ATPAF2: variants seen among roughly 807,000 people sequenced by gnomAD.
ATPAF2 encodes the protein ATP synthase mitochondrial F1 complex assembly factor 2.
In ATPAF2, 30 loss-of-function variants were observed where a neutral mutation model predicts 36.6. That is an observed-to-expected ratio of 0.82 (90% CI 0.61 to 1.11). The LOEUF is 1.11. ATPAF2 is among the 50% of genes most tolerant of loss of function. The probability of loss-of-function intolerance (pLI) is 0.00; values close to 1 mark genes in which losing one functional copy is unlikely to be tolerated. For synonymous variants in ATPAF2, 140 were observed against 152.6 expected (o/e 0.92, Z 0.61); for missense variants, 321 against 372.3 (o/e 0.86, Z 1.13).
intron 2 of ATPAF2, 45 bp downstream of exon 2, chr17:18,028,570 C>CAAA (rs10652393): frequency 0.043 from 57,467 of 1,322,580 alleles, 367 homozygotes; most frequent in East Asian, 0.14. Context: ...CAACCATTCA[C>CAAA]AAAAAAAAAA....
intron 1 of ATPAF2, among the ~76,000 whole-genome samples, chr17:18,029,249 T>A (rs899541259): frequency 2.0e-5 from 3 of 152,264 alleles, no homozygotes; most frequent in Admixed American, 6.5e-5. Context: ...AAAATCTATG[T>A]CCTTTGTTTT....
chr17:18,031,240 G>A (rs1242360843), intron 1 of ATPAF2, among the ~76,000 whole-genome samples: 1 of 151,716 alleles, frequency 6.6e-6, no homozygotes, highest in African/African-American at 2.4e-5. Context: ...CTCCCAAAGT[G>A]CTGGGATTAC....
At chr17:18,018,776 T>C in intron 7 of ATPAF2, 90 bp from the exon 8 acceptor site, 2 of 1,592,446 alleles carry the variant, frequency 1.3e-6, no homozygotes, top group South Asian at 2.2e-5. Flanking sequence ...ATAGGTTGGC[T>C]GAGGGCAACA....
chr17:18,028,015 G>A, intron 3 of ATPAF2: 1 of 602,802 alleles, frequency 1.7e-6, no homozygotes, highest in East Asian at 2.9e-5. Flanking sequence ...GGAGAAACCA[G>A]CCATCCAGCA....
chr17:18,025,856 T>C (rs1025168609), intron 4 of ATPAF2, among the ~76,000 whole-genome samples: 1 of 152,210 alleles, frequency 6.6e-6, no homozygotes, highest in Non-Finnish European at 1.5e-5. Flanking sequence ...ATCATTTCCA[T>C]TGTTTCTCAA....
chr17:18,029,042 T>C (rs1202007586), intron 1 of ATPAF2, among the ~76,000 whole-genome samples: 5 of 152,152 alleles, frequency 3.3e-5, no homozygotes, highest in East Asian at 1.9e-4. Flanking sequence ...TAGAGACCCA[T>C]TTCAGGCAAG....
At chr17:18,026,650 C>T in intron 3 of ATPAF2, 1 of 587,162 alleles carries the variant, frequency 1.7e-6, no homozygotes. Context: ...CTTGCAGCAG[C>T]CCCAGGATTA....
chr17:18,028,730 C>T, intron 1 of ATPAF2, 71 bp from the exon 2 acceptor site: 1 of 1,369,452 alleles, frequency 7.3e-7, no homozygotes, highest in Non-Finnish European at 1.0e-6. Flanking sequence ...ACAGGACCAG[C>T]TTGTATCATT....
intron 7 of ATPAF2, among the ~76,000 whole-genome samples, chr17:18,020,316 C>CA (rs2044451107): frequency 6.6e-6 from 1 of 152,242 alleles, no homozygotes; most frequent in Non-Finnish European, 1.5e-5. Flanking sequence ...GCTCCTCTGC[C>CA]AGCCAGATAA....
At chr17:18,034,892 G>A (rs2145521716) in intron 1 of ATPAF2, among the ~76,000 whole-genome samples, 1 of 152,296 alleles carries the variant, frequency 6.6e-6, no homozygotes, top group African/African-American at 2.4e-5. Context: ...ATGGAATATT[G>A]TTTGGCAATA....
intron 1 of ATPAF2, among the ~76,000 whole-genome samples, chr17:18,028,877 G>A (rs537509583): frequency 2.1e-4 from 32 of 152,304 alleles, no homozygotes; most frequent in African/African-American, 7.0e-4. Context: ...GGGAGGAACA[G>A]AACATGCTGG....
Position 18,028,234 on chromosome 17 carries a change from G to C in ATPAF2, c.322C>G (p.Leu108Val), listed in dbSNP as rs1567576203. The C allele has an allele frequency of 6.2e-7, 1 of 1,614,212 alleles. No individual in the cohort carries two copies. ...QDTIKYYTMH[L>V]TTLCNTSLDN... ...GGTTCACACTGTGAACTTGTTACCA[G>C]GTGCATGGTGTAGTACTTGATGGTA... Residue 108 changes from leucine to valine, a missense_variant and splice_region_variant, in exon 3 of 8, where the codon CTG (leucine) becomes GTG (valine). By Grantham distance (32) the Leu-to-Val change is conservative (BLOSUM62 1). Coordinates refer to ENST00000474627, the MANE Select transcript of ATPAF2 (RefSeq NM_145691.4).
intron 4 of ATPAF2, 159 bp downstream of exon 4, chr17:18,026,160 C>G (rs1350032000): frequency 1.4e-6 from 1 of 732,652 alleles, no homozygotes; most frequent in Non-Finnish European, 2.5e-6. Context: ...AGTCCTCCTC[C>G]TAAGGGGCTA....
chr17:18,028,635 AC>A lies in ATPAF2; in HGVS notation c.157del (p.Val53SerfsTer12). ...CTCACCTTCACCCTGTGTGATGCTGACATTCTGATAAAACCTCTTCCTTTCT... is the reference window on the plus strand; with the variant it reads ...CTCACCTTCACCCTGTGTGATGCTGAATTCTGATAAAACCTCTTCCTTTCT... The part of the protein sequence containing the change: ...PTERKRFYQN[V>X]SITQGEGGFE... On this transcript the variant is annotated frameshift_variant, in exon 2 of 8. Transcript: ENST00000474627. LOFTEE classifies it high-confidence loss of function. 6.2e-7 allele frequency: 1 copy of A among 1,613,134 alleles called. No individual in the cohort carries two copies. The highest frequency in any genetic ancestry group is 8.5e-7 in the Non-Finnish European group (1 of 1,179,928).
At chr17:18,017,768 C>G (rs1311873332), downstream of ATPAF2, among the ~76,000 whole-genome samples, 2 of 152,222 alleles carry the variant, frequency 1.3e-5, no homozygotes, top group African/African-American at 4.8e-5. Flanking sequence ...CTGAGAACCA[C>G]TCTTCCCCCC....
intron 1 of ATPAF2, among the ~76,000 whole-genome samples, chr17:18,030,638 TG>T (rs1274514721): frequency 6.6e-6 from 1 of 150,842 alleles, no homozygotes; most frequent in Non-Finnish European, 1.5e-5. Flanking sequence ...AGTGGGCAAC[TG>T]GTTTTACTCC....
intron 1 of ATPAF2, among the ~76,000 whole-genome samples, chr17:18,030,972 C>CTTTT (rs1316913316): frequency 3.4e-5 from 3 of 88,448 alleles, no homozygotes; most frequent in Non-Finnish European, 6.5e-5. Flanking sequence ...CGCGCCTGGC[C>CTTTT]TTTTTTTTTT....
At position 18,024,718 on chromosome 17, in the gene ATPAF2, A is replaced by C; in HGVS notation, c.423-14T>G. 6.2e-7 allele frequency: 1 copy of C among 1,606,124 alleles called. No individual in the cohort carries two copies. Among genetic ancestry groups the C allele is most frequent in the Non-Finnish European group, 8.5e-7 (1 of 1,172,784 alleles). ...TCCACCCTGTAGCTAATTCATTGTA[A>C]AAATAACCTTCATTAATAAAAAAGT... On this transcript the variant is annotated splice_polypyrimidine_tract_variant and intron_variant, in intron 4 of 7. Coordinates refer to ENST00000474627, the MANE Select transcript of ATPAF2 (RefSeq NM_145691.4).
At chr17:18,021,987 C>T (rs1597666853) in intron 5 of ATPAF2, 130 bp from the exon 6 acceptor site, 1 of 791,762 alleles carries the variant, frequency 1.3e-6, no homozygotes, top group East Asian at 2.7e-5. Flanking sequence ...GTCTTGACTA[C>T]AGGAGCAACT....
Sources: allele counts gnomAD v4.1 joint callset (sites outside exome capture counted in the v4.1 genomes callset), GRCh38; gene constraint gnomAD v4.1.1; transcripts MANE v1.5; gene names NCBI Gene and HGNC (gene_info 2026-07-23, HGNC 2026-07-21).